Variants in EVL observed in about 807,000 individuals in gnomAD.
The protein encoded by EVL is ena/VASP-like protein.
In EVL, 21 loss-of-function variants were observed where a neutral mutation model predicts 59.6. That is an observed-to-expected ratio of 0.35 (90% CI 0.25 to 0.51). The LOEUF (loss-of-function observed/expected upper bound fraction) is 0.51, where lower values mean the gene tolerates loss of function less well. Ranked by LOEUF, EVL falls within the 20% of genes least tolerant of loss-of-function variation. The probability of loss-of-function intolerance (pLI) is 0.97; values close to 1 mark genes in which losing one functional copy is unlikely to be tolerated. For synonymous variants in EVL, 198 were observed against 203.5 expected, an observed-to-expected ratio of 0.97 and a Z score of 0.23; for missense variants, 462 against 546.6, an observed-to-expected ratio of 0.85 and a Z score of 1.54.
chr14:99,991,787 A>AAGAATACATAAC, intron 1 of EVL, among the ~76,000 whole-genome samples: 1 of 152,330 alleles, frequency 6.6e-6, no homozygotes, highest in East Asian at 1.9e-4. Context: ...ACATACATGT[A>AAGAATACATAAC]ACTTATAAAA....
intron 1 of EVL, among the ~76,000 whole-genome samples, chr14:100,004,621 C>T (rs1009728039): frequency 6.6e-6 from 1 of 152,046 alleles, no homozygotes; most frequent in Non-Finnish European, 1.5e-5. Flanking sequence ...TTGGACTTCC[C>T]GAATGTCCCT....
chr14:99,974,657 G>C (rs1413611798), intron 1 of EVL: 1 of 152,530 alleles, frequency 6.6e-6, no homozygotes, highest in Admixed American at 6.5e-5. Context: ...ACCTTGCAAG[G>C]AATGCCGTGG....
chr14:100,132,083 G>A (rs1166193546), intron 7 of EVL, among the ~76,000 whole-genome samples: 1 of 151,968 alleles, frequency 6.6e-6, no homozygotes, highest in Non-Finnish European at 1.5e-5. Context: ...GACCTGGGAG[G>A]TCAGCAGATA....
Position 100,026,867 on chromosome 14 carries a change from CCT to C in EVL, c.5+54815_5+54816del, listed in dbSNP as rs537220010. ...GTCCCTAACTGTGGGAGCTATGATC[CCT>C]CTCTGTCTTGGATCCCCGGGGCCTG... On this transcript the variant is annotated intron_variant, in intron 1 of 13. Transcript: ENST00000402714. 5.3e-5 allele frequency among the ~76,000 whole-genome samples: 8 copies of C among 152,206 alleles called. No individual in the cohort carries two copies. The South Asian group carries it at 1.7e-3, about 32-fold the overall frequency.
intron 13 of EVL, 25 bp downstream of exon 13, chr14:100,141,818 G>T: frequency 6.2e-7 from 1 of 1,610,088 alleles, no homozygotes; most frequent in Non-Finnish European, 8.5e-7. Context: ...ACCGGGGAGG[G>T]TGGCACCCAG....
chr14:100,079,412 T>C (rs2062241967), intron 1 of EVL, among the ~76,000 whole-genome samples: 1 of 152,202 alleles, frequency 6.6e-6, no homozygotes, highest in Non-Finnish European at 1.5e-5. Context: ...GGGACTGGCT[T>C]TACCAAGGGG....
chr14:100,042,661 A>C (rs1255436248), intron 1 of EVL, among the ~76,000 whole-genome samples: 1 of 152,140 alleles, frequency 6.6e-6, no homozygotes, highest in Non-Finnish European at 1.5e-5. Flanking sequence ...TTTGGAGACC[A>C]GGAGTTACTT....
At chr14:99,999,259 T>C (rs936055425) in intron 1 of EVL, among the ~76,000 whole-genome samples, 7 of 152,196 alleles carry the variant, frequency 4.6e-5, no homozygotes, top group African/African-American at 1.4e-4. Context: ...TTTTAACTTA[T>C]TCTGTAGTGA....
At chr14:100,018,194 G>A (rs2061067201) in intron 1 of EVL, among the ~76,000 whole-genome samples, 1 of 152,230 alleles carries the variant, frequency 6.6e-6, no homozygotes, top group African/African-American at 2.4e-5. Flanking sequence ...CAAGAAGAGA[G>A]AGCAGTGCGC....
At chr14:100,097,128 A>G (rs559485069) in intron 2 of EVL, 8 of 181,220 alleles carry the variant, frequency 4.4e-5, no homozygotes, top group South Asian at 1.6e-4. Context: ...TATTATCCCC[A>G]TCTTATAAGT....
intron 1 of EVL, among the ~76,000 whole-genome samples, chr14:99,979,469 T>C (rs1341698809): frequency 6.6e-6 from 1 of 152,190 alleles, no homozygotes; most frequent in Non-Finnish European, 1.5e-5. Flanking sequence ...AGAATTTTAA[T>C]TATTAAACTT....
chr14:100,110,530 G>C (rs1482271567), intron 3 of EVL, among the ~76,000 whole-genome samples: 3 of 152,126 alleles, frequency 2.0e-5, no homozygotes, highest in Non-Finnish European at 4.4e-5. Flanking sequence ...CTGCAGGGCT[G>C]GGGGTGAATG....
chr14:100,105,479 G>A (rs1412357235), intron 3 of EVL, among the ~76,000 whole-genome samples: 1 of 151,810 alleles, frequency 6.6e-6, no homozygotes, highest in Non-Finnish European at 1.5e-5. Flanking sequence ...GGAAGACAGA[G>A]TACTGATTGT....
At chr14:99,971,759 G>A (rs1446927763) in exon 1 of EVL, 2 of 131,516 alleles carry the variant, frequency 1.5e-5, no homozygotes, top group East Asian at 6.2e-4. Flanking sequence ...ATCCCCCGGC[G>A]GCGGCCCCCA....
intron 1 of EVL, among the ~76,000 whole-genome samples, chr14:99,986,282 C>T (rs1488793443): frequency 8.0e-6 from 1 of 124,606 alleles, no homozygotes; most frequent in Non-Finnish European, 1.6e-5. Flanking sequence ...ACAGAGTGGA[C>T]TCTGTCTCAA....
intron 2 of EVL, among the ~76,000 whole-genome samples, chr14:100,090,546 A>G (rs1174679806): frequency 1.3e-5 from 2 of 152,246 alleles, no homozygotes; most frequent in East Asian, 3.8e-4. Context: ...TAATGCAGTA[A>G]GTAAGCCTGA....
rs1270660068 is a variant in EVL at position 100,002,347 on chromosome 14, T to A, written c.5+30290T>A. On this transcript the variant is annotated intron_variant, in intron 1 of 13. Transcript: ENST00000402714. Reference sequence around the variant, plus strand: ...GGACCAAAAGGAGACAACAATTGTCTGTAGATGACAAAAAGTTTTTATGGC... The same window carrying A: ...GGACCAAAAGGAGACAACAATTGTCAGTAGATGACAAAAAGTTTTTATGGC... Among the ~76,000 whole-genome samples the A allele has an allele frequency of 2.0e-5, 3 of 152,174 alleles. No homozygotes were observed. In the East Asian group the frequency reaches 5.8e-4, roughly 29 times the overall value.
intron 2 of EVL, 143 bp downstream of exon 2, chr14:100,084,998 C>T (rs2062407241): frequency 2.5e-6 from 2 of 811,486 alleles, no homozygotes; most frequent in Non-Finnish European, 3.8e-6. Flanking sequence ...GATTTTGACT[C>T]CATATCCTCA....
Position 100,144,070 on chromosome 14 carries a change from C to T in EVL, c.*332C>T, listed in dbSNP as rs182356789. On this transcript the variant is annotated 3_prime_UTR_variant, in exon 14 of 14. Transcript: ENST00000392920. ...GGTTTCCAGGTTTTCTCCCAGGTGA[C>T]GCTGTTAGCGCCTCAGCTGGCGGTG... The T allele has an allele frequency of 5.0e-3, 1,858 of 369,622 alleles. 21 individuals carry two copies. Among genetic ancestry groups the T allele is most frequent in the Non-Finnish European group, 6.2e-3 (1,253 of 201,958 alleles). 22.9% of individuals were successfully genotyped at this position (369,622 alleles called of 1,614,324 possible). A position where few individuals can be genotyped will look rare whatever the true frequency, so the allele number is the denominator to read the frequency against.
Sources: allele counts gnomAD v4.1 joint callset (sites outside exome capture counted in the v4.1 genomes callset), GRCh38; gene constraint gnomAD v4.1.1; transcripts MANE v1.5; gene names NCBI Gene and HGNC (gene_info 2026-07-23, HGNC 2026-07-21).